Variants in CRACD observed in about 807,000 individuals in gnomAD.
CRACD encodes capping protein-inhibiting regulator of actin dynamics.
Under a neutral mutation model 106.8 loss-of-function variants are expected in CRACD, and 56 were observed. The ratio of observed to expected loss-of-function variants is 0.52; its 90% CI spans 0.42 to 0.66. The LOEUF is 0.66. Ranked by LOEUF, CRACD falls within the 30% of genes least tolerant of loss-of-function variation. CRACD has a pLI of 0.00. For synonymous variants in CRACD, 754 were observed against 670.8 expected, an observed-to-expected ratio of 1.12 and a Z score of -1.92; for missense variants, 1,730 against 1,623.2, an observed-to-expected ratio of 1.07 and a Z score of -1.13.
At chr4:56,120,121 A>G (rs1328116714) in intron 1 of CRACD, among the ~76,000 whole-genome samples, 1 of 152,360 alleles carries the variant, frequency 6.6e-6, no homozygotes, top group South Asian at 2.1e-4. Context: ...ATGCTAAATC[A>G]GTGTTCACTG....
intron 1 of CRACD, among the ~76,000 whole-genome samples, chr4:56,067,368 C>T (rs1310447508): frequency 6.6e-6 from 1 of 152,202 alleles, no homozygotes; most frequent in African/African-American, 2.4e-5. Context: ...TGCCCCAAAA[C>T]ATGCCACATA....
intron 1 of CRACD, among the ~76,000 whole-genome samples, chr4:56,065,078 C>CTT (rs1316429972): frequency 6.9e-6 from 1 of 144,260 alleles, no homozygotes; most frequent in Non-Finnish European, 1.5e-5. Context: ...TGCCATGAGT[C>CTT]TTTTTTAAAT....
At chr4:56,207,499 A>G (rs534753757) in intron 2 of CRACD, among the ~76,000 whole-genome samples, 2 of 152,230 alleles carry the variant, frequency 1.3e-5, no homozygotes, top group South Asian at 4.1e-4. Context: ...ATGAAGCAAT[A>G]AAGGTACCAT....
chr4:56,167,979 A>G (rs1293073390), intron 1 of CRACD, among the ~76,000 whole-genome samples: 2 of 152,182 alleles, frequency 1.3e-5, no homozygotes, highest in Non-Finnish European at 2.9e-5. Context: ...ATTCCTCAGG[A>G]TTTTCTACAT....
Position 56,324,086 on chromosome 4 carries a change from CTG to C in CRACD, c.3379-16_3379-15del. ...TAGGTTGAAAACATGTTTCCCATGACTGTCTCTGCCCACGCAGGTCAGTGTCA... is the reference window on the plus strand; with the variant it reads ...TAGGTTGAAAACATGTTTCCCATGACTCTCTGCCCACGCAGGTCAGTGTCA... On this transcript the variant is annotated splice_polypyrimidine_tract_variant and intron_variant, in intron 9 of 10. Coordinates refer to ENST00000682029, the MANE Select transcript of CRACD (RefSeq NM_001393381.1). The C allele has an allele frequency of 6.3e-7, 1 of 1,591,296 alleles. No homozygotes were observed.
intron 1 of CRACD, among the ~76,000 whole-genome samples, chr4:56,175,593 TAC>T (rs1736550252): frequency 6.6e-6 from 1 of 152,202 alleles, no homozygotes; most frequent in Admixed American, 6.5e-5. Context: ...CACATCAGGG[TAC>T]ACACACAGGG....
At chr4:56,181,561 C>T (rs1736821807) in intron 2 of CRACD, among the ~76,000 whole-genome samples, 1 of 152,200 alleles carries the variant, frequency 6.6e-6, no homozygotes, top group South Asian at 2.1e-4. Context: ...ATTAGGCAAA[C>T]AGAGCTTAAA....
At position 56,172,583 on chromosome 4, in the gene CRACD, C is replaced by T. The variant is rs562881200; in HGVS notation, c.-335-6701C>T. The stretch of plus-strand genomic sequence containing the variant: ...GTTCAAGCAACTCTCCTGCCTCAGC[C>T]TCCTGAGTAGCTGGGATTACAGGCA... On this transcript the variant is annotated intron_variant, in intron 1 of 10. Coordinates refer to ENST00000682029, the MANE Select transcript of CRACD (RefSeq NM_001393381.1). Among the ~76,000 whole-genome samples, 15 of 152,270 alleles carry T rather than the reference C, an allele frequency of 9.9e-5. No individual in the cohort carries two copies. The East Asian group carries it at 2.5e-3, about 26-fold the overall frequency.
At chr4:56,228,983 A>C (rs910530383) in intron 2 of CRACD, among the ~76,000 whole-genome samples, 2 of 152,228 alleles carry the variant, frequency 1.3e-5, no homozygotes, top group African/African-American at 2.4e-5. Flanking sequence ...TCATGAGGAT[A>C]AAGTGAGAAA....
At chr4:56,138,441 G>C (rs1408513891) in intron 1 of CRACD, among the ~76,000 whole-genome samples, 1 of 151,870 alleles carries the variant, frequency 6.6e-6, no homozygotes, top group Non-Finnish European at 1.5e-5. Flanking sequence ...CTCCAGCCTG[G>C]GTGATAGAGC....
chr4:56,102,537 C>T (rs1486691506), intron 1 of CRACD, among the ~76,000 whole-genome samples: 6 of 152,144 alleles, frequency 3.9e-5, no homozygotes, highest in African/African-American at 4.8e-5. Context: ...TCCATTTGAA[C>T]GAATTACCTT....
At chr4:56,323,605 T>C in intron 9 of CRACD, 38 bp downstream of exon 9, 1 of 1,482,036 alleles carries the variant, frequency 6.7e-7, no homozygotes. Flanking sequence ...TTTGCTTTCC[T>C]GAGCTTGGTT....
At chr4:56,253,816 A>G (rs1253320999) in intron 2 of CRACD, among the ~76,000 whole-genome samples, 2 of 152,198 alleles carry the variant, frequency 1.3e-5, no homozygotes, top group Non-Finnish European at 2.9e-5. Flanking sequence ...TAACACGTGC[A>G]TTTCTAAGTC....
At chr4:56,285,355 C>T (rs1008643281) in intron 3 of CRACD, among the ~76,000 whole-genome samples, 16 of 152,262 alleles carry the variant, frequency 1.1e-4, no homozygotes, top group South Asian at 6.2e-4. Context: ...AGACCCTATG[C>T]GGTAATAGAA....
intron 2 of CRACD, among the ~76,000 whole-genome samples, chr4:56,268,981 C>G (rs1742191702): frequency 6.6e-6 from 1 of 152,140 alleles, no homozygotes. Flanking sequence ...AAATCAAACC[C>G]TCTATTTTTT....
chr4:56,219,508 C>A (rs1357079279), intron 2 of CRACD, among the ~76,000 whole-genome samples: 15 of 152,090 alleles, frequency 9.9e-5, no homozygotes. Flanking sequence ...GCCACCACAC[C>A]CAACTAACTT....
At chr4:56,279,136 G>C (rs534696554) in intron 3 of CRACD, among the ~76,000 whole-genome samples, 2 of 152,288 alleles carry the variant, frequency 1.3e-5, no homozygotes, top group African/African-American at 4.8e-5. Context: ...AGAGGTGACA[G>C]TGCTATTAGT....
At chr4:56,327,459 G>C (rs889036688) in intron 10 of CRACD, among the ~76,000 whole-genome samples, 185 bp from the exon 11 acceptor site, 1 of 152,058 alleles carries the variant, frequency 6.6e-6, no homozygotes, top group Admixed American at 6.6e-5. Flanking sequence ...TAACTGTGAG[G>C]TTTTGTATAT....
Position 56,316,128 on chromosome 4 carries a change from G to C in CRACD, c.2626G>C (p.Gly876Arg). 1.2e-6 allele frequency: 2 copies of C among 1,614,124 alleles called. No individual in the cohort carries two copies. Among genetic ancestry groups the C allele is most frequent in the Non-Finnish European group, 1.7e-6 (2 of 1,180,034 alleles). Residue 876 changes from glycine to arginine, a missense_variant, in exon 8 of 11, where the codon GGA becomes CGA. Physicochemically the swap from Gly to Arg is moderately radical, Grantham distance 125. Coordinates refer to ENST00000682029, the MANE Select transcript of CRACD (RefSeq NM_001393381.1). Reference sequence around the variant, plus strand: ...GAAGAAGAAGAGGCACAGCAGCACCGGAGACAGCGCGGATGCAGGGCCGCC... The same window carrying C: ...GAAGAAGAAGAGGCACAGCAGCACCCGAGACAGCGCGGATGCAGGGCCGCC... Reference protein sequence around the residue: ...QKKKKRHSSTGDSADAGPPAA... With the variant: ...QKKKKRHSSTRDSADAGPPAA...
Sources: gnomAD v4.1 joint callset for allele counts (sites outside exome capture counted in the v4.1 genomes callset) on GRCh38, gnomAD v4.1.1 for gene constraint, MANE v1.5 for transcripts, NCBI Gene and HGNC (gene_info 2026-07-23, HGNC 2026-07-21) for gene names.